Variants in CELSR1 observed in about 807,000 individuals in gnomAD.
CELSR1 encodes the protein cadherin EGF LAG seven-pass G-type receptor 1, also known as adhesion G protein-coupled receptor C1.
CELSR1 carries 110 observed loss-of-function variants against 249.1 expected under a neutral mutation model. The observed-to-expected ratio is 0.44, with a 90% CI of 0.38 to 0.52. The LOEUF is 0.52. Among genes scored for constraint, CELSR1 ranks in the 20% least tolerant of loss-of-function variants. The pLI is 0.00. For synonymous variants in CELSR1, 2,113 were observed against 1,900.0 expected (o/e 1.11, Z -2.92); for missense variants, 4,109 against 4,296.4 (o/e 0.96, Z 1.22).
At position 46,509,302 on chromosome 22, in the gene CELSR1, C is replaced by T. The variant is rs970155123; in HGVS notation, c.3544+24325G>A. Among the ~76,000 whole-genome samples, 3 of 152,216 alleles carry T rather than the reference C, an allele frequency of 2.0e-5. No homozygotes were observed. The East Asian group carries it at 5.8e-4, about 29-fold the overall frequency. On this transcript the variant is annotated intron_variant, in intron 1 of 34. Coordinates refer to ENST00000674500, the MANE Select transcript of CELSR1 (RefSeq NM_001378328.1). ...GACACCTGCAAGGCAGCTCTCATCA[C>T]GGCTTTCTACAGATGAGGAGATGGG...
intron 18 of CELSR1, among the ~76,000 whole-genome samples, chr22:46,387,725 T>C (rs115596300): frequency 6.6e-6 from 1 of 152,060 alleles, no homozygotes; most frequent in East Asian, 1.9e-4. Flanking sequence ...AGAGAGACTG[T>C]GGGTGATTCA....
In CELSR1 at chr22:46,488,725, T is replaced by A. The variant is rs186482324; in HGVS notation, c.3545-24380A>T. ...CCCAGGCTGGAGTTCAGTGGCGTGA[T>A]CTCGGCTCACTGCAAGCTCCACCTC... On this transcript the variant is annotated intron_variant, in intron 1 of 34. Transcript: ENST00000674500. The surrounding 1 kb of genome is among the most constrained non-coding windows in gnomAD (Gnocchi z 4.7). Among the ~76,000 whole-genome samples, 13 of 150,622 alleles carry A rather than the reference T, an allele frequency of 8.6e-5. No homozygotes were observed. The East Asian group carries it at 1.8e-3, about 20-fold the overall frequency.
chr22:46,536,964 G>T lies in CELSR1; in HGVS notation c.207C>A (p.Arg69=), dbSNP rs1261797145. 26 of 1,147,724 alleles carry T rather than the reference G, an allele frequency of 2.3e-5. No homozygotes were observed. In the Admixed American group the frequency reaches 1.3e-3, roughly 55 times the overall value. The allele number at this position is 1,147,724 out of a possible 1,614,324, so 71.1% of individuals were successfully genotyped here. A position where few individuals can be genotyped will look rare whatever the true frequency, so the allele number is the denominator to read the frequency against. ...GCCGACGTCCTGCCAGCCGCCCATCGCGGCCCACGTCCAGCAGCTCCCGCG... is the reference window on the plus strand; with the variant it reads ...GCCGACGTCCTGCCAGCCGCCCATCTCGGCCCACGTCCAGCAGCTCCCGCG... The part of the protein sequence containing the change: ...RAPRELLDVG[R]DGRLAGRRRV... The change falls in exon 1 of 35, where the codon CGC becomes CGA. Residue 69 remains arginine, a synonymous_variant. Coordinates refer to ENST00000674500, the MANE Select transcript of CELSR1 (RefSeq NM_001378328.1).
rs1471608540 is a variant in CELSR1 at position 46,369,162 on chromosome 22, G to C, written c.7952+17C>G. The C allele has an allele frequency of 3.7e-6, 6 of 1,612,940 alleles. No individual in the cohort carries two copies. The highest frequency in any genetic ancestry group is 1.7e-5 in the Admixed American group (1 of 59,986). ...CCCAGCCGACATGGCTGGCCGGTCA[G>C]GTTCAGCCCCACTTACACGATCCCT... On this transcript the variant is annotated intron_variant, in intron 27 of 34. Transcript: ENST00000674500.
chr22:46,464,740 T>C lies in CELSR1; in HGVS notation c.3545-395A>G, dbSNP rs544799812. Among the ~76,000 whole-genome samples, 29 of 152,180 alleles carry C rather than the reference T, an allele frequency of 1.9e-4. No homozygotes were observed. The highest frequency in any genetic ancestry group is 1.0e-3 in the Admixed American group (16 of 15,274). ...GCTTTGGTTCCAGCCACATGAGGAC[T>C]TGAAGCCCCCTTCTACCTCCTCTGC... On this transcript the variant is annotated intron_variant, in intron 1 of 34. Transcript: ENST00000674500. This position sits in a 1 kb window ranked among gnomAD's most constrained non-coding sequence, Gnocchi z 8.5.
rs1293391356 is a variant in CELSR1, at chr22:46,374,530, C to T, written c.7585-1473G>A. On this transcript the variant is annotated intron_variant, in intron 24 of 34. Transcript: ENST00000674500. The surrounding 1 kb of genome is among the most constrained non-coding windows in gnomAD (Gnocchi z 4.3). ...TAAAGCCCAGGCACTCTGCCAAGCCCCTAGAACGCTGCCGGGTCGCCCTTT... is the reference window on the plus strand; with the variant it reads ...TAAAGCCCAGGCACTCTGCCAAGCCTCTAGAACGCTGCCGGGTCGCCCTTT... Among the ~76,000 whole-genome samples, 2 of 152,210 alleles carry T rather than the reference C, an allele frequency of 1.3e-5. No individual in the cohort carries two copies. The highest frequency in any genetic ancestry group is 2.9e-5 in the Non-Finnish European group (2 of 68,038).
At chr22:46,371,712 C>A (rs13054412) in intron 25 of CELSR1, among the ~76,000 whole-genome samples, 1 of 151,472 alleles carries the variant, frequency 6.6e-6, no homozygotes, top group Non-Finnish European at 1.5e-5. Flanking sequence ...CCCATCCATC[C>A]ATCTACCCAC....
At position 46,381,163 on chromosome 22, in the gene CELSR1, C is replaced by A. The variant is rs2078974072; in HGVS notation, c.7089-208G>T. On this transcript the variant is annotated intron_variant, in intron 21 of 34. Coordinates refer to ENST00000674500, the MANE Select transcript of CELSR1 (RefSeq NM_001378328.1). This position sits in a 1 kb window ranked among gnomAD's most constrained non-coding sequence, Gnocchi z 6.0. ...CAGGGCACACAGAGAGAGGTGTCAC[C>A]TTTGGGTCAAATTGGGACTTCAGAA... 6.6e-6 allele frequency among the ~76,000 whole-genome samples: 1 copy of A among 152,114 alleles called. No individual in the cohort carries two copies. The highest frequency in any genetic ancestry group is 2.1e-4 in the South Asian group (1 of 4,818).
chr22:46,471,887 G>A lies in CELSR1; in HGVS notation c.3545-7542C>T, dbSNP rs912319198. 2.6e-5 allele frequency among the ~76,000 whole-genome samples: 4 copies of A among 152,314 alleles called. No individual in the cohort carries two copies. The highest frequency in any genetic ancestry group is 9.6e-5 in the African/African-American group (4 of 41,566). ...GGGACCTGTACAGTTTTCAGGGGCT[G>A]CGGTCTGTGGCCTTCAGGTGATGAC... is the stretch of plus-strand genomic sequence containing the variant. On this transcript the variant is annotated intron_variant, in intron 1 of 34. Coordinates refer to ENST00000674500, the MANE Select transcript of CELSR1 (RefSeq NM_001378328.1). The surrounding 1 kb of genome is among the most constrained non-coding windows in gnomAD (Gnocchi z 4.9).
At chr22:46,470,619 C>T (rs915107563) in intron 1 of CELSR1, among the ~76,000 whole-genome samples, 4 of 152,124 alleles carry the variant, frequency 2.6e-5, no homozygotes, top group African/African-American at 9.7e-5. Flanking sequence ...CCACGGGCCA[C>T]GGTGAAATTA....
intron 33 of CELSR1, 41 bp from the exon 34 acceptor site, chr22:46,364,292 C>T: frequency 6.3e-7 from 1 of 1,592,900 alleles, no homozygotes; most frequent in Non-Finnish European, 8.5e-7. Context: ...CCGGGTGATG[C>T]TGCCGGGGGC....
chr22:46,391,381 G>T lies in CELSR1; in HGVS notation c.6149-94C>A. On this transcript the variant is annotated intron_variant, in intron 15 of 34. Coordinates refer to ENST00000674500, the MANE Select transcript of CELSR1 (RefSeq NM_001378328.1). This position sits in a 1 kb window ranked among gnomAD's most constrained non-coding sequence, Gnocchi z 4.3. ...TGTCTGCATGCGCCTCCCTGCAGGA[G>T]GCCCTGCTCCCACCAAGAACCGAAC... 1 of 1,153,236 alleles carries T rather than the reference G, an allele frequency of 8.7e-7. No individual in the cohort carries two copies. Among genetic ancestry groups the T allele is most frequent in the South Asian group, 1.4e-5 (1 of 71,566 alleles). The allele number at this position is 1,153,236 out of a possible 1,614,324, so 71.4% of individuals were successfully genotyped here.
chr22:46,422,780 A>AAAAAAAAAG (rs1337523194), intron 5 of CELSR1, among the ~76,000 whole-genome samples: 25 of 148,686 alleles, frequency 1.7e-4, no homozygotes, highest in South Asian at 2.1e-4. Flanking sequence ...AAAAAAAAAA[A>AAAAAAAAAG]TGGCTCATAG....
At position 46,410,592 on chromosome 22, in the gene CELSR1, C is replaced by T. The variant is rs1374276643; in HGVS notation, c.4770-31G>A. 2.5e-6 allele frequency: 4 copies of T among 1,605,772 alleles called. No homozygotes were observed. In the East Asian group the frequency reaches 6.7e-5, roughly 27 times the overall value. On this transcript the variant is annotated intron_variant, in intron 6 of 34. Coordinates refer to ENST00000674500, the MANE Select transcript of CELSR1 (RefSeq NM_001378328.1). The surrounding 1 kb of genome is among the most constrained non-coding windows in gnomAD (Gnocchi z 6.8). Reference sequence around the variant, plus strand: ...TAGGTAAAGCCATCTTCTGTGACGTCAGGGCGGGGAGAGGCGGCCACGGCG... The same window carrying T: ...TAGGTAAAGCCATCTTCTGTGACGTTAGGGCGGGGAGAGGCGGCCACGGCG...
chr22:46,451,667 C>T (rs959566289), intron 2 of CELSR1, among the ~76,000 whole-genome samples: 6 of 152,140 alleles, frequency 3.9e-5, no homozygotes, highest in African/African-American at 1.4e-4. Flanking sequence ...ACCTCCTTCT[C>T]CACAACACCG....
In CELSR1 at chr22:46,442,718, G is replaced by A. The variant is rs551782699; in HGVS notation, c.4184-3307C>T. Among the ~76,000 whole-genome samples the A allele has an allele frequency of 1.3e-3, 194 of 152,316 alleles. 1 individual carries two copies. Among genetic ancestry groups the A allele is most frequent in the African/African-American group, 4.5e-3 (186 of 41,558 alleles). On this transcript the variant is annotated intron_variant, in intron 2 of 34. Transcript: ENST00000674500. ...GCATAACAATCATCAGAGGTAAATG[G>A]TGCCTCTGAAGAATCTGAGTTCTCC...
chr22:46,460,211 A>ACC (rs200173937), intron 2 of CELSR1, among the ~76,000 whole-genome samples: 9,417 of 148,798 alleles, frequency 0.063, 596 homozygotes, highest in African/African-American at 0.14. Flanking sequence ...ACACACACAC[A>ACC]CACACCCATT....
chr22:46,475,197 G>A (rs713716), intron 1 of CELSR1, among the ~76,000 whole-genome samples: 40,370 of 151,792 alleles, frequency 0.27, 5,489 homozygotes, highest in Admixed American at 0.36. Flanking sequence ...ACATCCCCAG[G>A]CCCTCAGCAT....
chr22:46,382,422 T>G (rs928622386), intron 20 of CELSR1, among the ~76,000 whole-genome samples: 5 of 151,866 alleles, frequency 3.3e-5, no homozygotes, highest in African/African-American at 1.2e-4. Flanking sequence ...GGATTACAGG[T>G]GCCCGCCACC....
Sources: gnomAD v4.1 joint callset for allele counts (sites outside exome capture counted in the v4.1 genomes callset) on GRCh38, gnomAD v4.1.1 for gene constraint, Gnocchi (gnomAD v3.1) non-coding constraint, MANE v1.5 for transcripts, NCBI Gene and HGNC (gene_info 2026-07-23, HGNC 2026-07-21) for gene names.